The following SOHLH1 variants were observed in gnomAD, a reference collection of about 807,000 sequenced individuals.
SOHLH1 encodes spermatogenesis- and oogenesis-specific basic helix-loop-helix-containing protein 1.
Under a neutral mutation model 36.2 loss-of-function variants are expected in SOHLH1, and 23 were observed. That is an observed-to-expected ratio of 0.64 (90% CI 0.46 to 0.90). The LOEUF (loss-of-function observed/expected upper bound fraction) is 0.90, where lower values mean the gene tolerates loss of function less well. SOHLH1 is among the 40% of genes least tolerant of loss of function. The pLI is 0.00. For missense variants in SOHLH1, 608 were observed against 517.0 expected, an observed-to-expected ratio of 1.18 and a Z score of -1.71; for synonymous variants, 289 against 228.3, an observed-to-expected ratio of 1.27 and a Z score of -2.40.
At chr9:135,695,388 C>T in intron 5 of SOHLH1, 125 bp from the exon 6 acceptor site, 1 of 821,212 alleles carries the variant, frequency 1.2e-6, no homozygotes, top group Non-Finnish European at 2.0e-6. Flanking sequence ...CTGCCTGCAC[C>T]CTGCAGCAGG....
In SOHLH1 at chr9:135,698,330, G is replaced by A. The variant is rs768365610; in HGVS notation, c.344C>T (p.Ala115Val). Reference sequence around the variant, plus strand: ...ACGGCGTCTACCCTTACAACTCACAGCGTGCTGCTCCTGACTGGGCCCCAG... The same window carrying A: ...ACGGCGTCTACCCTTACAACTCACAACGTGCTGCTCCTGACTGGGCCCCAG... ...SALGPSQEQH[A>V]ILASSKEMWH... is the part of the protein sequence containing the mutation. Residue 115 changes from alanine to valine, a missense_variant and splice_region_variant, in exon 3 of 8, where the codon GCT (alanine) becomes GTT (valine). By Grantham distance (64) the Ala-to-Val change is moderately conservative. Coordinates refer to ENST00000425225, the MANE Select transcript of SOHLH1 (RefSeq NM_001101677.2). 6.2e-7 allele frequency: 1 copy of A among 1,612,986 alleles called. No homozygotes were observed. The highest frequency in any genetic ancestry group is 8.5e-7 in the Non-Finnish European group (1 of 1,180,012).
intron 3 of SOHLH1, among the ~76,000 whole-genome samples, chr9:135,697,904 C>T (rs1226027092): frequency 3.9e-5 from 6 of 152,148 alleles, no homozygotes. Flanking sequence ...ATTCCCCACA[C>T]AGGTCCTCAG....
chr9:135,699,605 C>T (rs1217268812), upstream of SOHLH1: 2 of 904,922 alleles, frequency 2.2e-6, no homozygotes, highest in African/African-American at 1.6e-5. Flanking sequence ...GCCCCCATAG[C>T]GCATGCGCTC....
At chr9:135,697,427 G>C (rs1034664548) in intron 4 of SOHLH1, 79 bp downstream of exon 4, 40 of 1,570,358 alleles carry the variant, frequency 2.5e-5, no homozygotes, top group Admixed American at 1.7e-4. Context: ...ACACCCTCCC[G>C]AGGACATGCC....
At chr9:135,697,735 C>T (rs1834861951) in intron 3 of SOHLH1, 108 bp from the exon 4 acceptor site, 4 of 1,377,816 alleles carry the variant, frequency 2.9e-6, no homozygotes, top group South Asian at 2.4e-5. Context: ...ACTGTGAGCT[C>T]GGTCCCCGCT....
upstream of SOHLH1, among the ~76,000 whole-genome samples, chr9:135,700,097 C>T (rs1284819251): frequency 6.6e-6 from 1 of 152,228 alleles, no homozygotes; most frequent in Non-Finnish European, 1.5e-5. Flanking sequence ...CGTCCGTGCT[C>T]TTCCTCCCGC....
upstream of SOHLH1, among the ~76,000 whole-genome samples, chr9:135,700,921 G>A (rs549657896): frequency 7.4e-4 from 112 of 152,288 alleles, 1 homozygote; most frequent in East Asian, 0.019. Context: ...TAAAGCCCTC[G>A]GAATGTCATC....
In SOHLH1 at chr9:135,695,073, G is replaced by T; in HGVS notation, c.852C>A (p.Asp284Glu). 1 of 1,597,562 alleles carries T rather than the reference G, an allele frequency of 6.3e-7. No homozygotes were observed. Among genetic ancestry groups the T allele is most frequent in the South Asian group, 1.1e-5 (1 of 88,392 alleles). ...ACCCGGCCTCCTGCGCCAGCATGGG[G>T]TCCTCCTTGGCTGGCTCCCCCAGAG... is the stretch of plus-strand genomic sequence containing the variant. ...AAPLGEPAKE[D>E]PMLAQEAGSA... Residue 284 changes from aspartate (D) to glutamate (E), a missense_variant, in exon 6 of 8, where the codon GAC becomes GAA. Asp to Glu is a conservative substitution (Grantham distance 45). Transcript: ENST00000425225.
At position 135,695,119 on chromosome 9, in the gene SOHLH1, G is replaced by A. The variant is rs1306628609; in HGVS notation, c.806C>T (p.Pro269Leu). The A allele has an allele frequency of 1.3e-6, 2 of 1,497,066 alleles. No homozygotes were observed. Among genetic ancestry groups the A allele is most frequent in the Non-Finnish European group, 1.8e-6 (2 of 1,094,940 alleles). The allele number at this position is 1,497,066 out of a possible 1,614,324, so 92.7% of individuals were successfully genotyped here. The part of the protein sequence containing the change: ...EALGWLGQAG[P>L]LAMGAAPLGE... ...CAGAGGTGCAGCCCCCATGGCCAGG[G>A]GCCCAGCCTGGCCCAGCCAGCCAAG... The change falls in exon 6 of 8, where the codon CCC (proline) becomes CTC (leucine). Residue 269 changes from proline to leucine, a missense_variant. Physicochemically the swap from Pro to Leu is moderately conservative, Grantham distance 98. Transcript: ENST00000425225.
intron 6 of SOHLH1, 58 bp downstream of exon 6, chr9:135,694,992 C>T: frequency 6.6e-7 from 1 of 1,507,912 alleles, no homozygotes; most frequent in Admixed American, 1.9e-5. Flanking sequence ...GTGGGACAGG[C>T]TCACACACAC....
At chr9:135,696,487 A>G (rs1834803850) in intron 5 of SOHLH1, 125 bp downstream of exon 5, 1 of 1,144,568 alleles carries the variant, frequency 8.7e-7, no homozygotes, top group African/African-American at 1.7e-5. Context: ...GTTTCTCACC[A>G]ACACAAGGGC....
intron 2 of SOHLH1, 56 bp from the exon 3 acceptor site, chr9:135,698,532 G>A (rs1449052705): frequency 4.6e-5 from 74 of 1,610,926 alleles, no homozygotes; most frequent in Admixed American, 6.7e-5. Context: ...CCCGAGAAGG[G>A]ACAGCAACTG....
At chr9:135,694,981 G>A in intron 6 of SOHLH1, 69 bp downstream of exon 6, 2 of 1,467,542 alleles carry the variant, frequency 1.4e-6, no homozygotes, top group South Asian at 2.4e-5. Context: ...ACTGGGAGGA[G>A]GTGGGACAGG....
At chr9:135,696,923 C>T in intron 4 of SOHLH1, 118 bp from the exon 5 acceptor site, 2 of 1,174,524 alleles carry the variant, frequency 1.7e-6, no homozygotes, top group Non-Finnish European at 2.5e-6. Flanking sequence ...CAGGCACCAC[C>T]CAGCATCAAG....
At chr9:135,694,799 A>C in intron 6 of SOHLH1, among the ~76,000 whole-genome samples, 1 of 148,702 alleles carries the variant, frequency 6.7e-6, no homozygotes, top group East Asian at 2.0e-4. Flanking sequence ...TTTTACTATC[A>C]GCCAAAACAA....
chr9:135,697,256 G>T (rs1167767857), intron 4 of SOHLH1, among the ~76,000 whole-genome samples: 1 of 152,142 alleles, frequency 6.6e-6, no homozygotes, highest in Non-Finnish European at 1.5e-5. Context: ...GATCCTCCCG[G>T]GCACCTCCCA....
At chr9:135,699,685 G>GT (rs1564302354), upstream of SOHLH1, among the ~76,000 whole-genome samples, 1 of 152,126 alleles carries the variant, frequency 6.6e-6, no homozygotes, top group African/African-American at 2.4e-5. Context: ...GCTGGAAAGG[G>GT]ACTCGGGGGG....
intron 3 of SOHLH1, 107 bp downstream of exon 3, chr9:135,698,222 A>G (rs892467881): frequency 6.6e-7 from 1 of 1,508,106 alleles, no homozygotes; most frequent in Admixed American, 1.7e-5. Context: ...GGAGACCCAG[A>G]GGGCTGAAGG....
intron 7 of SOHLH1, 146 bp from the exon 8 acceptor site, chr9:135,693,960 G>A (rs1198603331): frequency 6.3e-6 from 9 of 1,434,410 alleles, no homozygotes; most frequent in Middle Eastern, 2.2e-4. Context: ...TGAGGTGGGT[G>A]AGCTCATACC....
Sources: gnomAD v4.1 joint callset for allele counts (sites outside exome capture counted in the v4.1 genomes callset) on GRCh38, gnomAD v4.1.1 for gene constraint, MANE v1.5 for transcripts, NCBI Gene and HGNC (gene_info 2026-07-23, HGNC 2026-07-21) for gene names.